The following CAMKMT variants were observed in gnomAD, a reference collection of about 807,000 sequenced individuals.
The protein encoded by CAMKMT is CaM KMT.
A neutral mutation model predicts 48.0 loss-of-function variants in CAMKMT; 53 were observed. That is an observed-to-expected ratio of 1.10 (90% CI 0.89 to 1.39). The LOEUF (loss-of-function observed/expected upper bound fraction) is 1.39. Among genes scored for constraint, CAMKMT ranks in the 40% most tolerant of loss-of-function variants. The pLI is 0.00. For missense variants in CAMKMT, 428 were observed against 402.7 expected, an observed-to-expected ratio of 1.06 and a Z score of -0.54; for synonymous variants, 165 against 152.3, an observed-to-expected ratio of 1.08 and a Z score of -0.61.
At chr2:44,770,974 C>T (rs964885034) in intron 10 of CAMKMT, among the ~76,000 whole-genome samples, 13 of 152,160 alleles carry the variant, frequency 8.5e-5, no homozygotes, top group African/African-American at 2.2e-4. Context: ...TGTTCCCCAG[C>T]GGAAAAGGGG....
intron 3 of CAMKMT, among the ~76,000 whole-genome samples, chr2:44,524,054 G>C (rs574034126): frequency 6.6e-6 from 1 of 152,234 alleles, no homozygotes; most frequent in African/African-American, 2.4e-5. Flanking sequence ...TGGGATTACA[G>C]GCGTGAGCCA....
intron 3 of CAMKMT, among the ~76,000 whole-genome samples, chr2:44,418,073 T>C (rs2104500898): frequency 6.6e-6 from 1 of 151,350 alleles, no homozygotes; most frequent in East Asian, 2.0e-4. Flanking sequence ...GTGCCTATAA[T>C]CCCAAATACT....
intron 3 of CAMKMT, among the ~76,000 whole-genome samples, chr2:44,439,612 G>T (rs1456231176): frequency 6.6e-6 from 1 of 152,010 alleles, no homozygotes; most frequent in African/African-American, 2.4e-5. Flanking sequence ...GCTGAAGCAG[G>T]TGGATCACGA....
chr2:44,609,590 A>C (rs959676893), intron 3 of CAMKMT, among the ~76,000 whole-genome samples: 4 of 152,242 alleles, frequency 2.6e-5, no homozygotes, highest in Non-Finnish European at 5.9e-5. Flanking sequence ...AAGTCTTCAA[A>C]AGTGACTCCT....
chr2:44,515,663 G>A (rs531077522), intron 3 of CAMKMT, among the ~76,000 whole-genome samples: 7 of 152,272 alleles, frequency 4.6e-5, no homozygotes, highest in South Asian at 4.1e-4. Context: ...TTATCATTTC[G>A]GTTTTAGAAA....
chr2:44,557,292 T>A (rs1431252757), intron 3 of CAMKMT, among the ~76,000 whole-genome samples: 3 of 149,772 alleles, frequency 2.0e-5, no homozygotes, highest in Non-Finnish European at 4.5e-5. Flanking sequence ...TGTTTCTGGC[T>A]TTTTTTTTTC....
chr2:44,631,388 A>G (rs1040369179), intron 3 of CAMKMT: 15 of 447,782 alleles, frequency 3.3e-5, no homozygotes, highest in Non-Finnish European at 3.1e-5. Context: ...CCTAAAACTT[A>G]AAGTATAATA....
intron 3 of CAMKMT, among the ~76,000 whole-genome samples, chr2:44,577,256 C>G (rs529005195): frequency 6.6e-6 from 1 of 152,202 alleles, no homozygotes; most frequent in Non-Finnish European, 1.5e-5. Context: ...ATATGTCAAA[C>G]TGGCATATTA....
At chr2:44,417,802 C>T (rs116582367) in intron 3 of CAMKMT, among the ~76,000 whole-genome samples, 3,913 of 152,256 alleles carry the variant, frequency 0.026, 75 homozygotes, top group Middle Eastern at 0.037. Flanking sequence ...ATGACGATGA[C>T]GTTGAACATC....
intron 3 of CAMKMT, among the ~76,000 whole-genome samples, chr2:44,654,545 C>T (rs1030227741): frequency 1.3e-5 from 2 of 152,158 alleles, no homozygotes; most frequent in African/African-American, 4.8e-5. Context: ...CAGAGTCTCA[C>T]TGTGTCACCC....
At chr2:44,623,834 A>G (rs188553810) in intron 3 of CAMKMT, among the ~76,000 whole-genome samples, 5 of 152,302 alleles carry the variant, frequency 3.3e-5, no homozygotes, top group Admixed American at 3.3e-4. Flanking sequence ...CTACAGATCC[A>G]TGTATTGTCA....
At chr2:44,497,761 C>T (rs1024478332) in intron 3 of CAMKMT, among the ~76,000 whole-genome samples, 2 of 137,140 alleles carry the variant, frequency 1.5e-5, no homozygotes, top group Middle Eastern at 3.7e-3. Flanking sequence ...ATATGAAGGG[C>T]TATAGGCAGC....
At chr2:44,487,377 T>G (rs1000306198) in intron 3 of CAMKMT, among the ~76,000 whole-genome samples, 1 of 152,118 alleles carries the variant, frequency 6.6e-6, no homozygotes, top group African/African-American at 2.4e-5. Context: ...ATGTTTTGAG[T>G]TTTTAGTATT....
chr2:44,393,411 C>T lies in CAMKMT; in HGVS notation c.376+3106C>T, dbSNP rs892729867. The T allele has an allele frequency of 3.3e-5, 5 of 152,288 alleles. No homozygotes were observed. The South Asian group carries it at 6.2e-4, about 19-fold the overall frequency. 9.4% of individuals were successfully genotyped at this position (152,288 alleles called of 1,614,324 possible). A position where few individuals can be genotyped will look rare whatever the true frequency, so the allele number is the denominator to read the frequency against. ...GAGGAATCTCGTACAGAATGAATCA[C>T]GTCTGCGTATTGATTTATTGCTGTG... On this transcript the variant is annotated intron_variant, in intron 3 of 10. Transcript: ENST00000378494.
chr2:44,588,340 G>T (rs1402090780), intron 3 of CAMKMT, among the ~76,000 whole-genome samples: 3 of 85,698 alleles, frequency 3.5e-5, no homozygotes, highest in African/African-American at 1.3e-4. Flanking sequence ...CAGCCGCCCC[G>T]TCCGGGAGGG....
chr2:44,694,810 C>A (rs1206312504), intron 3 of CAMKMT, among the ~76,000 whole-genome samples: 1 of 152,162 alleles, frequency 6.6e-6, no homozygotes, highest in African/African-American at 2.4e-5. Context: ...ACAAAATGAC[C>A]ATAGATATGC....
At chr2:44,525,626 G>T (rs534252594) in intron 3 of CAMKMT, among the ~76,000 whole-genome samples, 2 of 152,098 alleles carry the variant, frequency 1.3e-5, no homozygotes, top group South Asian at 2.1e-4. Context: ...CTAGTTTTTT[G>T]AGTATAAGCT....
At chr2:44,469,034 G>C (rs1010531133) in intron 3 of CAMKMT, among the ~76,000 whole-genome samples, 37 of 152,166 alleles carry the variant, frequency 2.4e-4, no homozygotes, top group African/African-American at 7.5e-4. Context: ...GGAAGAGTAG[G>C]GTGAAGGAAG....
intron 3 of CAMKMT, among the ~76,000 whole-genome samples, chr2:44,639,132 C>T (rs889298237): frequency 2.6e-5 from 4 of 152,090 alleles, no homozygotes; most frequent in South Asian, 2.1e-4. Context: ...CCAGTCAAAA[C>T]GAAATAGTCT....
Sources: allele counts gnomAD v4.1 joint callset (sites outside exome capture counted in the v4.1 genomes callset), GRCh38; gene constraint gnomAD v4.1.1; transcripts MANE v1.5; gene names NCBI Gene and HGNC (gene_info 2026-07-23, HGNC 2026-07-21).